Variants in ST6GALNAC3 observed in about 807,000 individuals in gnomAD.
ST6GALNAC3 encodes the protein alpha-N-acetylgalactosaminide alpha-2,6-sialyltransferase 3.
In ST6GALNAC3, 25 loss-of-function variants were observed where a neutral mutation model predicts 32.7. The observed-to-expected ratio is 0.76, with a 90% confidence interval of 0.56 to 1.07. The LOEUF is 1.07. Among genes scored for constraint, ST6GALNAC3 ranks in the 50% least tolerant of loss-of-function variants. The probability of loss-of-function intolerance (pLI) is 0.00; values close to 1 mark genes in which losing one functional copy is unlikely to be tolerated. For synonymous variants in ST6GALNAC3, 129 were observed against 133.1 expected, an observed-to-expected ratio of 0.97 and a Z score of 0.21; for missense variants, 355 against 382.4, an observed-to-expected ratio of 0.93 and a Z score of 0.60.
chr1:76,379,972 G>A (rs1442809361), intron 2 of ST6GALNAC3, among the ~76,000 whole-genome samples: 1 of 152,254 alleles, frequency 6.6e-6, no homozygotes, highest in South Asian at 2.1e-4. Context: ...AATTGGTTCC[G>A]ACAATGCACT....
chr1:76,554,658 T>A (rs528810996), intron 3 of ST6GALNAC3, among the ~76,000 whole-genome samples: 2 of 152,238 alleles, frequency 1.3e-5, no homozygotes, highest in East Asian at 3.9e-4. Flanking sequence ...TCCTAAGCAT[T>A]TATACTTATC....
intron 1 of ST6GALNAC3, among the ~76,000 whole-genome samples, chr1:76,251,242 C>G (rs1021713289): frequency 6.6e-6 from 1 of 152,180 alleles, no homozygotes; most frequent in Non-Finnish European, 1.5e-5. Flanking sequence ...TATTCCCACT[C>G]CTTCGTGTAA....
At chr1:76,408,878 T>G (rs1654020364) in intron 2 of ST6GALNAC3, among the ~76,000 whole-genome samples, 1 of 152,130 alleles carries the variant, frequency 6.6e-6, no homozygotes, top group Non-Finnish European at 1.5e-5. Context: ...ACCATATGCA[T>G]CTTGGTGATA....
chr1:76,196,658 G>C (rs77749249), intron 1 of ST6GALNAC3, among the ~76,000 whole-genome samples: 1 of 151,914 alleles, frequency 6.6e-6, no homozygotes, highest in East Asian at 1.9e-4. Flanking sequence ...TAGAGATGGT[G>C]TTTCACCATG....
At chr1:76,331,657 C>A (rs1647188839) in intron 2 of ST6GALNAC3, among the ~76,000 whole-genome samples, 1 of 152,202 alleles carries the variant, frequency 6.6e-6, no homozygotes, top group Non-Finnish European at 1.5e-5. Context: ...GGAACTGTTG[C>A]ATCTCCCTGT....
intron 2 of ST6GALNAC3, among the ~76,000 whole-genome samples, chr1:76,355,338 C>G (rs1321832000): frequency 1.3e-5 from 2 of 152,120 alleles, no homozygotes; most frequent in African/African-American, 2.4e-5. Context: ...CTACCAAAGA[C>G]AATTTCCATT....
At chr1:76,436,026 C>T (rs1557884495) in intron 3 of ST6GALNAC3, among the ~76,000 whole-genome samples, 1 of 152,016 alleles carries the variant, frequency 6.6e-6, no homozygotes, top group Non-Finnish European at 1.5e-5. Context: ...CCCTTCCCAC[C>T]CTTTCCCCCA....
At chr1:76,522,789 T>G (rs1662629527) in intron 3 of ST6GALNAC3, among the ~76,000 whole-genome samples, 1 of 152,202 alleles carries the variant, frequency 6.6e-6, no homozygotes. Context: ...CAGATTAATT[T>G]ACACCTGGAA....
chr1:76,246,340 C>T (rs1235154736), intron 1 of ST6GALNAC3, among the ~76,000 whole-genome samples: 2 of 152,026 alleles, frequency 1.3e-5, no homozygotes. Context: ...TACAGCACAC[C>T]AATGGGTCTT....
At chr1:76,520,047 TTC>T (rs1355863382) in intron 3 of ST6GALNAC3, among the ~76,000 whole-genome samples, 2 of 152,204 alleles carry the variant, frequency 1.3e-5, no homozygotes, top group African/African-American at 4.8e-5. Context: ...TCCATTTTAT[TTC>T]TGTTTCCTCT....
At chr1:76,113,106 C>T (rs1648184286) in intron 1 of ST6GALNAC3, among the ~76,000 whole-genome samples, 1 of 152,270 alleles carries the variant, frequency 6.6e-6, no homozygotes, top group South Asian at 2.1e-4. Context: ...GAGGCCGAGG[C>T]TGGCGGATCA....
Position 76,283,329 on chromosome 1 carries a change from C to A in ST6GALNAC3, c.19-30476C>A, listed in dbSNP as rs555935788. Among the ~76,000 whole-genome samples, 4 of 152,072 alleles carry A rather than the reference C, an allele frequency of 2.6e-5. No homozygotes were observed. The South Asian group carries it at 8.3e-4, about 32-fold the overall frequency. ...TGAGCTTTGCTATACTACTTTGTTA[C>A]CTGAATTGGTAATGGTTTTCTTTTT... On this transcript the variant is annotated intron_variant, in intron 1 of 4. Coordinates refer to ENST00000328299, the MANE Select transcript of ST6GALNAC3 (RefSeq NM_152996.4).
intron 3 of ST6GALNAC3, among the ~76,000 whole-genome samples, chr1:76,470,211 A>C (rs1658925310): frequency 6.6e-6 from 1 of 152,042 alleles, no homozygotes; most frequent in African/African-American, 2.4e-5. Flanking sequence ...AGAATAATCA[A>C]AGGATTTATT....
chr1:76,111,973 G>C (rs1305132852), intron 1 of ST6GALNAC3, among the ~76,000 whole-genome samples: 4 of 152,102 alleles, frequency 2.6e-5, no homozygotes, highest in East Asian at 3.9e-4. Context: ...CAGACGGGGT[G>C]GTGGCCGGGC....
chr1:76,586,264 C>G (rs1242842495), intron 3 of ST6GALNAC3, among the ~76,000 whole-genome samples: 1 of 152,186 alleles, frequency 6.6e-6, no homozygotes, highest in African/African-American at 2.4e-5. Context: ...CTGTGATGGA[C>G]TTTAAATCCA....
intron 1 of ST6GALNAC3, among the ~76,000 whole-genome samples, chr1:76,122,775 G>A (rs990884313): frequency 1.3e-5 from 2 of 152,156 alleles, no homozygotes; most frequent in African/African-American, 2.4e-5. Flanking sequence ...AAAGGGGTAC[G>A]TGAGCTCCAG....
intron 3 of ST6GALNAC3, among the ~76,000 whole-genome samples, chr1:76,471,867 C>T (rs1283077776): frequency 6.9e-6 from 1 of 143,966 alleles, no homozygotes; most frequent in Non-Finnish European, 1.5e-5. Context: ...TTTGGGTCCC[C>T]TTTTTTTTTT....
At chr1:76,127,815 G>T (rs1219676924) in intron 1 of ST6GALNAC3, among the ~76,000 whole-genome samples, 3 of 152,122 alleles carry the variant, frequency 2.0e-5, no homozygotes, top group African/African-American at 7.2e-5. Flanking sequence ...TGAGCCTGGA[G>T]GCTCTCACCA....
chr1:76,620,651 A>G (rs1468694686), intron 3 of ST6GALNAC3, among the ~76,000 whole-genome samples: 1 of 152,036 alleles, frequency 6.6e-6, no homozygotes, highest in Non-Finnish European at 1.5e-5. Flanking sequence ...CCGTAATCTC[A>G]TCATATGACA....
Sources: gnomAD v4.1 joint callset for allele counts (sites outside exome capture counted in the v4.1 genomes callset) on GRCh38, gnomAD v4.1.1 for gene constraint, MANE v1.5 for transcripts, NCBI Gene and HGNC (gene_info 2026-07-23, HGNC 2026-07-21) for gene names.